The following GRIP1 variants were observed in gnomAD, a reference collection of about 807,000 sequenced individuals.
The protein encoded by GRIP1 is glutamate receptor-interacting protein 1.
GRIP1 carries 45 observed loss-of-function variants against 129.9 expected under a neutral mutation model. The ratio of observed to expected loss-of-function variants is 0.35; its 90% CI spans 0.27 to 0.44. The LOEUF is 0.44. Among genes scored for constraint, GRIP1 ranks in the 20% least tolerant of loss-of-function variants. The probability of loss-of-function intolerance (pLI) is 1.00; values close to 1 mark genes in which losing one functional copy is unlikely to be tolerated. For synonymous variants in GRIP1, 530 were observed against 520.8 expected (o/e 1.02, Z -0.24); for missense variants, 1,196 against 1,396.8 (o/e 0.86, Z 2.29).
chr12:66,492,453 T>G (rs1195109517), intron 7 of GRIP1, among the ~76,000 whole-genome samples: 1 of 152,022 alleles, frequency 6.6e-6, no homozygotes, highest in Non-Finnish European at 1.5e-5. Flanking sequence ...AAATAACCAA[T>G]GTCCTGTCAA....
At chr12:66,578,991 C>A (rs1193392057) in intron 2 of GRIP1, among the ~76,000 whole-genome samples, 2 of 152,204 alleles carry the variant, frequency 1.3e-5, no homozygotes, top group Non-Finnish European at 2.9e-5. Flanking sequence ...CCTGAGCAGC[C>A]TAACTGGGAG....
intron 1 of GRIP1, among the ~76,000 whole-genome samples, chr12:66,672,892 A>G (rs1195245770): frequency 6.6e-6 from 1 of 152,174 alleles, no homozygotes; most frequent in East Asian, 1.9e-4. Context: ...AGAAACTGAA[A>G]TTTAGTGGGG....
At chr12:66,450,399 G>A (rs1346277669) in intron 11 of GRIP1, among the ~76,000 whole-genome samples, 2 of 147,314 alleles carry the variant, frequency 1.4e-5, no homozygotes, top group Non-Finnish European at 3.0e-5. Flanking sequence ...ATATAGTGAA[G>A]CCTTCTCAAA....
intron 1 of GRIP1, among the ~76,000 whole-genome samples, chr12:66,638,395 G>A (rs993389399): frequency 6.6e-6 from 1 of 152,158 alleles, no homozygotes; most frequent in Non-Finnish European, 1.5e-5. Flanking sequence ...AAGAGAAAGA[G>A]GTTAAATAAC....
chr12:67,058,868 T>G (rs1409738212), intron 1 of GRIP1, among the ~76,000 whole-genome samples: 4 of 152,080 alleles, frequency 2.6e-5, no homozygotes, highest in Admixed American at 2.6e-4. Flanking sequence ...TTAAACCACT[T>G]CAGATAGGGA....
At chr12:66,503,339 G>A (rs572280304) in intron 7 of GRIP1, among the ~76,000 whole-genome samples, 8 of 152,104 alleles carry the variant, frequency 5.3e-5, no homozygotes, top group Admixed American at 5.2e-4. Context: ...TAAACACACT[G>A]CACATGCTCA....
chr12:66,354,141 G>A (rs549265442), intron 23 of GRIP1, among the ~76,000 whole-genome samples: 5 of 152,188 alleles, frequency 3.3e-5, no homozygotes, highest in South Asian at 2.1e-4. Flanking sequence ...TCTGCACCTC[G>A]GCTTAACTCG....
chr12:66,823,562 T>C (rs1344976109), intron 1 of GRIP1, among the ~76,000 whole-genome samples: 1 of 152,164 alleles, frequency 6.6e-6, no homozygotes, highest in Non-Finnish European at 1.5e-5. Context: ...TGGCACCTAA[T>C]ACACCATATC....
intron 1 of GRIP1, among the ~76,000 whole-genome samples, chr12:66,862,692 C>T (rs1238324172): frequency 3.3e-5 from 5 of 151,876 alleles, no homozygotes; most frequent in Non-Finnish European, 5.9e-5. Flanking sequence ...TTGACCTTTC[C>T]AGCTGTCAAA....
At chr12:66,955,296 A>G (rs887889494) in intron 1 of GRIP1, among the ~76,000 whole-genome samples, 1 of 152,094 alleles carries the variant, frequency 6.6e-6, no homozygotes, top group African/African-American at 2.4e-5. Context: ...ATCTCTAACC[A>G]GTTCGTAGGC....
At chr12:66,989,156 C>T (rs2042357833) in intron 1 of GRIP1, among the ~76,000 whole-genome samples, 1 of 152,120 alleles carries the variant, frequency 6.6e-6, no homozygotes, top group South Asian at 2.1e-4. Flanking sequence ...GCTGTCATTC[C>T]CAAGGGTCAC....
At chr12:66,976,066 C>G (rs1441007633) in intron 1 of GRIP1, among the ~76,000 whole-genome samples, 2 of 152,196 alleles carry the variant, frequency 1.3e-5, no homozygotes, top group African/African-American at 4.8e-5. Flanking sequence ...CTCCCTTCCC[C>G]AGTTGCATAG....
At chr12:66,670,579 A>G (rs1446223408) in intron 1 of GRIP1, among the ~76,000 whole-genome samples, 3 of 152,216 alleles carry the variant, frequency 2.0e-5, no homozygotes, top group Non-Finnish European at 4.4e-5. Flanking sequence ...TCATTTTTAA[A>G]CTATGTCTTC....
chr12:66,440,559 T>C (rs896376107), intron 13 of GRIP1, among the ~76,000 whole-genome samples: 4 of 152,208 alleles, frequency 2.6e-5, no homozygotes, highest in African/African-American at 9.6e-5. Flanking sequence ...AGTGAGAACA[T>C]GTGATGTTTG....
chr12:66,889,302 A>G (rs150315132), intron 1 of GRIP1, among the ~76,000 whole-genome samples: 48 of 152,248 alleles, frequency 3.2e-4, no homozygotes, highest in African/African-American at 1.0e-3. Context: ...TCTACTACAA[A>G]TACAAAAAAT....
rs1185230179 is a variant in GRIP1, at chr12:66,909,842, A to G, written c.58+159208T>C. Among the ~76,000 whole-genome samples, 5 of 152,178 alleles carry G rather than the reference A, an allele frequency of 3.3e-5. No homozygotes were observed. The East Asian group carries it at 9.6e-4, about 29-fold the overall frequency. ...ATCTTTAGTTAACTGGCTGAACACA[A>G]TAAAATAGTTCCAAGTTACTGCCAT... is the stretch of plus-strand genomic sequence containing the variant. On this transcript the variant is annotated intron_variant, in intron 1 of 1. Transcript: ENST00000643019.
chr12:66,470,199 C>T (rs1377196429), intron 7 of GRIP1, among the ~76,000 whole-genome samples: 2 of 152,164 alleles, frequency 1.3e-5, no homozygotes, highest in African/African-American at 4.8e-5. Context: ...AAGCTTTCCA[C>T]AGCTGTTCTG....
chr12:66,787,709 G>A (rs1396769651), intron 1 of GRIP1, among the ~76,000 whole-genome samples: 1 of 152,068 alleles, frequency 6.6e-6, no homozygotes, highest in African/African-American at 2.4e-5. Context: ...GAATCTACCT[G>A]TGCCTTGATC....
chr12:66,386,143 T>C (rs567767827), intron 19 of GRIP1, among the ~76,000 whole-genome samples: 8 of 152,348 alleles, frequency 5.3e-5, no homozygotes, highest in Admixed American at 1.3e-4. Flanking sequence ...TTTCTGAAAG[T>C]AGATGGAATC....
Sources: allele counts gnomAD v4.1 joint callset (sites outside exome capture counted in the v4.1 genomes callset), GRCh38; gene constraint gnomAD v4.1.1; transcripts MANE v1.5; gene names NCBI Gene and HGNC (gene_info 2026-07-23, HGNC 2026-07-21).